Variants in DMGDH observed in about 807,000 individuals in gnomAD.
DMGDH encodes the protein dimethylglycine dehydrogenase, mitochondrial.
In DMGDH, 76 loss-of-function variants were observed where a neutral mutation model predicts 95.2. The ratio of observed to expected loss-of-function variants is 0.80; its 90% CI spans 0.66 to 0.97. DMGDH has a LOEUF of 0.97. DMGDH is among the 50% of genes least tolerant of loss of function. The probability of loss-of-function intolerance (pLI) is 0.00; values close to 1 mark genes in which losing one functional copy is unlikely to be tolerated. For missense variants in DMGDH, 987 were observed against 1,055.0 expected (o/e 0.94, Z 0.89); for synonymous variants, 345 against 377.6 (o/e 0.91, Z 1.00).
At chr5:79,014,384 G>A (rs190893839) in intron 14 of DMGDH, among the ~76,000 whole-genome samples, 74 of 152,276 alleles carry the variant, frequency 4.9e-4, no homozygotes, top group South Asian at 1.0e-3. Context: ...TCAGATTTAT[G>A]TTTAACTGCT....
intron 10 of DMGDH, 24 bp from the exon 11 acceptor site, chr5:79,030,058 C>A: frequency 6.2e-7 from 1 of 1,601,206 alleles, no homozygotes; most frequent in Non-Finnish European, 8.5e-7. Context: ...TTAAAAATTA[C>A]CTTAGGATGA....
At chr5:79,012,651 G>A (rs1013494822) in intron 14 of DMGDH, among the ~76,000 whole-genome samples, 1 of 152,240 alleles carries the variant, frequency 6.6e-6, no homozygotes, top group African/African-American at 2.4e-5. Flanking sequence ...TGAAATTTAG[G>A]TGGAGGCTCC....
chr5:79,050,531 A>G (rs569787168), intron 5 of DMGDH, among the ~76,000 whole-genome samples: 13 of 152,166 alleles, frequency 8.5e-5, no homozygotes, highest in South Asian at 2.1e-4. Flanking sequence ...CTGCACAAGC[A>G]TTTTCACTGT....
In DMGDH at chr5:79,030,834, T is replaced by C. The variant is rs1428486192; in HGVS notation, c.1682A>G (p.Lys561Arg). ...LDHLFANVIP[K>R]VGFTNISHML... is the part of the protein sequence containing the mutation. ...TTGTATCCCTACAAGGCTATTTACC[T>C]TTGGAATGACATTTGCAAAGAGATG... The change falls in exon 10 of 16, where the codon AAG becomes AGG. Residue 561 changes from lysine (K) to arginine (R), a missense_variant and splice_region_variant. Lys to Arg is a conservative substitution (Grantham distance 26). Coordinates refer to ENST00000255189, the MANE Select transcript of DMGDH (RefSeq NM_013391.3). 2.5e-6 allele frequency: 4 copies of C among 1,614,034 alleles called. No individual in the cohort carries two copies. Among genetic ancestry groups the C allele is most frequent in the Non-Finnish European group, 3.4e-6 (4 of 1,179,980 alleles).
intron 7 of DMGDH, among the ~76,000 whole-genome samples, chr5:79,035,261 C>T (rs923602529): frequency 3.9e-5 from 6 of 152,022 alleles, no homozygotes; most frequent in African/African-American, 1.4e-4. Flanking sequence ...GCCCAATGCC[C>T]ATATAGATCA....
At chr5:79,020,804 G>T (rs1305308721) in intron 14 of DMGDH, 2 of 985,152 alleles carry the variant, frequency 2.0e-6, no homozygotes, top group Non-Finnish European at 2.4e-6. Flanking sequence ...ACATATTATA[G>T]AAAACAAATT....
intron 14 of DMGDH, among the ~76,000 whole-genome samples, chr5:79,015,630 T>A (rs1447185318): frequency 1.3e-5 from 2 of 152,184 alleles, no homozygotes; most frequent in Non-Finnish European, 2.9e-5. Flanking sequence ...AAACATATGT[T>A]GTATGGCCAG....
rs182002777 is a variant in DMGDH at position 79,013,560 on chromosome 5, C to T, written c.2251-8153G>A. ...TATAGCAATATCCCACTCCTCTGTA[C>T]CATTTTTATGTATTAGTTTGTTCTC... On this transcript the variant is annotated intron_variant, in intron 14 of 15. Coordinates refer to ENST00000255189, the MANE Select transcript of DMGDH (RefSeq NM_013391.3). 1.5e-3 allele frequency among the ~76,000 whole-genome samples: 236 copies of T among 152,276 alleles called. 1 individual carries two copies. The highest frequency in any genetic ancestry group is 5.4e-3 in the African/African-American group (226 of 41,550).
rs377035067 is a variant in DMGDH at position 79,033,245 on chromosome 5, T to C, written c.1357A>G (p.Asn453Asp). 2.5e-6 allele frequency: 4 copies of C among 1,614,026 alleles called. No homozygotes were observed. The highest frequency in any genetic ancestry group is 1.7e-6 in the Non-Finnish European group (2 of 1,180,034). Residue 453 changes from asparagine to aspartate, a missense_variant, in exon 8 of 16, where the codon AAT (asparagine) becomes GAT (aspartate). Transcript: ENST00000255189. ...AKARESYGFN[N>D]IVGYPKEERF... is the part of the protein sequence containing the mutation. ...CAGTACATTTGTACCTTACCAATATTGTTGAATCCATATGATTCTCTTGCT... is the reference window on the plus strand; with the variant it reads ...CAGTACATTTGTACCTTACCAATATCGTTGAATCCATATGATTCTCTTGCT...
In DMGDH at chr5:79,058,170, A is replaced by G. The variant is rs149225565; in HGVS notation, c.277-2262T>C. Among the ~76,000 whole-genome samples the G allele has an allele frequency of 4.7e-3, 719 of 152,360 alleles. 8 individuals are homozygous for G. Among genetic ancestry groups the G allele is most frequent in the African/African-American group, 0.017 (687 of 41,590 alleles). On this transcript the variant is annotated intron_variant, in intron 2 of 15. Transcript: ENST00000255189. ...ACACTACCCTCTTTTCCTTGCTGCT[A>G]CGATAGTCAGAAGTAAGATATGGAC...
At chr5:79,063,119 A>C (rs565847976) in intron 2 of DMGDH, among the ~76,000 whole-genome samples, 1 of 152,186 alleles carries the variant, frequency 6.6e-6, no homozygotes, top group East Asian at 1.9e-4. Context: ...AATAAAAATA[A>C]ATAAAACCAT....
intron 2 of DMGDH, among the ~76,000 whole-genome samples, chr5:79,063,090 AAAAAAAT>A (rs1308657312): frequency 4.6e-5 from 7 of 151,944 alleles, no homozygotes; most frequent in Admixed American, 6.6e-5. Context: ...CTCCATTTCA[AAAAAAAT>A]AAAAAATAAA....
In DMGDH at chr5:79,026,434, C is replaced by T. The variant is rs762361065; in HGVS notation, c.2180G>A (p.Trp727Ter). The T allele has an allele frequency of 6.2e-7, 1 of 1,614,164 alleles. No individual in the cohort carries two copies. The highest frequency in any genetic ancestry group is 1.7e-5 in the Admixed American group (1 of 60,022). ...GCTAGCATTTCAAACCTCTAACCCC[C>T]AGGCTCTGAAGGCTTTCTCCAGGCG... ...ALRLEKAFRA[W>*]GLEMNCDTNP... The change falls in exon 13 of 16, where the codon TGG becomes TAG. Residue 727 changes from tryptophan (W) to a stop codon, truncating the protein, a stop_gained. Transcript: ENST00000255189. LOFTEE classifies it high-confidence loss of function.
intron 14 of DMGDH, chr5:79,020,834 C>CAA: frequency 1.0e-6 from 1 of 985,392 alleles, no homozygotes; most frequent in Non-Finnish European, 1.2e-6. Context: ...TGCTTCAACA[C>CAA]ATTACGTTTA....
rs6868551 is a variant in DMGDH at position 79,034,840 on chromosome 5, G to A, written c.1194-1432C>T. 4.3e-3 allele frequency among the ~76,000 whole-genome samples: 654 copies of A among 151,934 alleles called. 6 individuals are homozygous for A. The highest frequency in any genetic ancestry group is 0.015 in the African/African-American group (608 of 41,370). ...TGGGAGGCCGAGACGGGCGGATCAC[G>A]AGGTCAGGAGATCGAGACCATCTTG... On this transcript the variant is annotated intron_variant, in intron 7 of 15. Transcript: ENST00000255189.
chr5:79,045,960 C>A (rs907797294), intron 5 of DMGDH, among the ~76,000 whole-genome samples: 1 of 152,206 alleles, frequency 6.6e-6, no homozygotes, highest in African/African-American at 2.4e-5. Context: ...TTGTTTGTTG[C>A]AATGGCTAAG....
At chr5:79,013,669 G>A (rs957961306) in intron 14 of DMGDH, among the ~76,000 whole-genome samples, 10 of 152,166 alleles carry the variant, frequency 6.6e-5, no homozygotes, top group African/African-American at 2.4e-4. Context: ...AGACTATACA[G>A]GAAGCAAGAT....
intron 4 of DMGDH, among the ~76,000 whole-genome samples, chr5:79,052,386 T>A (rs11960388): frequency 0.17 from 25,629 of 152,172 alleles, 2,708 homozygotes; most frequent in African/African-American, 0.3. Flanking sequence ...CATTAAGTCT[T>A]CTCTACATAT....
chr5:79,016,876 G>A (rs975928154), intron 14 of DMGDH, among the ~76,000 whole-genome samples: 1 of 152,100 alleles, frequency 6.6e-6, no homozygotes, highest in African/African-American at 2.4e-5. Flanking sequence ...TCCAGAAATA[G>A]ACCTACAAAC....
Sources: gnomAD v4.1 joint callset for allele counts (sites outside exome capture counted in the v4.1 genomes callset) on GRCh38, gnomAD v4.1.1 for gene constraint, MANE v1.5 for transcripts, NCBI Gene and HGNC (gene_info 2026-07-23, HGNC 2026-07-21) for gene names.